Variants in IL1RAPL2 observed in about 807,000 individuals in gnomAD.
IL1RAPL2 encodes X-linked interleukin-1 receptor accessory protein-like 2.
IL1RAPL2 carries 3 observed loss-of-function variants against 44.1 expected under a neutral mutation model. That is an observed-to-expected ratio of 0.07 (90% confidence interval 0.03 to 0.18). The LOEUF (loss-of-function observed/expected upper bound fraction) is 0.18. IL1RAPL2 is among the 10% of genes least tolerant of loss of function. The pLI is 1.00. For synonymous variants in IL1RAPL2, 181 were observed against 178.8 expected (o/e 1.01, Z -0.10); for missense variants, 391 against 496.4 (o/e 0.79, Z 2.02).
chrX:104,791,463 A>T (rs1029955882), intron 2 of IL1RAPL2, among the ~76,000 whole-genome samples: 1 of 111,697 alleles, frequency 9.0e-6, no homozygotes, highest in African/African-American at 3.3e-5. Flanking sequence ...ACCAACAATG[A>T]GAGGGAAAAT....
In IL1RAPL2 at chrX:105,525,946, T is replaced by C. The variant is rs1052682178; in HGVS notation, c.772+41559T>C. Among the ~76,000 whole-genome samples, 3 of 111,856 alleles carry C rather than the reference T, an allele frequency of 2.7e-5. No individual in the cohort carries two copies. In the East Asian group the frequency reaches 8.4e-4, roughly 31 times the overall value. The stretch of plus-strand genomic sequence containing the variant: ...TTCTTTCTCTACTGGCAAAAACTGC[T>C]GACTTTACTCCTCTCACAAAAGGTA... On this transcript the variant is annotated intron_variant, in intron 6 of 10. Transcript: ENST00000372582.
At chrX:105,040,679 A>G (rs1361402641) in intron 2 of IL1RAPL2, among the ~76,000 whole-genome samples, 3 of 110,234 alleles carry the variant, frequency 2.7e-5, no homozygotes, top group African/African-American at 6.8e-5. Flanking sequence ...AGAGGTGTTT[A>G]TAGTATTCTC....
intron 1 of IL1RAPL2, among the ~76,000 whole-genome samples, chrX:104,585,540 C>A (rs1928544586): frequency 1.1e-5 from 1 of 94,605 alleles, no homozygotes; most frequent in Admixed American, 1.3e-4. Context: ...TATTTCATCA[C>A]CCAGGTGTTA....
intron 5 of IL1RAPL2, among the ~76,000 whole-genome samples, chrX:105,356,184 G>GTGTGTGTGTGTGGTTT (rs1556297376): frequency 1.8e-4 from 19 of 108,221 alleles, no homozygotes; most frequent in African/African-American, 6.6e-4. Flanking sequence ...GTGTGTGTGT[G>GTGTGTGTGTGTGGTTT]GTTTGTTTCT....
chrX:104,946,379 CA>C (rs1157603029), intron 2 of IL1RAPL2, among the ~76,000 whole-genome samples: 12 of 9,133 alleles, frequency 1.3e-3, no homozygotes, highest in African/African-American at 3.5e-3. Flanking sequence ...GACTCCGTCT[CA>C]AAAAAAAAAA....
At chrX:105,708,824 G>T (rs6621992) in intron 6 of IL1RAPL2, among the ~76,000 whole-genome samples, 24,750 of 110,745 alleles carry the variant, frequency 0.22, 2,768 homozygotes, top group East Asian at 0.63. Context: ...TGTATAGATT[G>T]GCTACTCTAC....
chrX:105,170,839 T>A (rs898425218), intron 2 of IL1RAPL2, among the ~76,000 whole-genome samples: 12 of 112,234 alleles, frequency 1.1e-4, no homozygotes, highest in African/African-American at 3.9e-4. Context: ...GCCCTGCTTC[T>A]TTCATTTTTA....
chrX:105,314,146 A>T (rs778696732), intron 5 of IL1RAPL2, among the ~76,000 whole-genome samples: 1 of 111,803 alleles, frequency 8.9e-6, no homozygotes, highest in East Asian at 2.8e-4. Flanking sequence ...TCTCAATTAG[A>T]TTATCTTAGA....
At chrX:104,618,716 G>T (rs774850768) in intron 1 of IL1RAPL2, among the ~76,000 whole-genome samples, 20 of 111,300 alleles carry the variant, frequency 1.8e-4, no homozygotes, top group Non-Finnish European at 3.4e-4. Flanking sequence ...CAGGTTCTCT[G>T]CACAGGAAGT....
intron 2 of IL1RAPL2, among the ~76,000 whole-genome samples, chrX:105,158,317 C>A (rs746024571): frequency 4.5e-5 from 5 of 111,103 alleles, no homozygotes; most frequent in Non-Finnish European, 9.5e-5. Context: ...CGAGATCGCG[C>A]CACTGCACGC....
chrX:104,889,945 C>T (rs1204940347), intron 2 of IL1RAPL2, among the ~76,000 whole-genome samples: 4 of 110,625 alleles, frequency 3.6e-5, no homozygotes, highest in Non-Finnish European at 7.6e-5. Context: ...GCTATCCCTC[C>T]CCCCTACCCC....
At chrX:104,904,879 C>G (rs1009827883) in intron 2 of IL1RAPL2, among the ~76,000 whole-genome samples, 8 of 111,053 alleles carry the variant, frequency 7.2e-5, no homozygotes, top group African/African-American at 2.6e-4. Flanking sequence ...AATCGCCACA[C>G]TGACTTCCAC....
chrX:104,919,557 C>T, intron 2 of IL1RAPL2, among the ~76,000 whole-genome samples: 1 of 86,597 alleles, frequency 1.2e-5, no homozygotes, highest in African/African-American at 4.5e-5. Flanking sequence ...GAGACAGAGT[C>T]TCTTACTCTG....
intron 2 of IL1RAPL2, among the ~76,000 whole-genome samples, chrX:104,811,769 A>G (rs1358229242): frequency 1.8e-5 from 2 of 111,169 alleles, no homozygotes; most frequent in African/African-American, 6.5e-5. Flanking sequence ...GGTATTGGGT[A>G]AGGGAAGAAT....
At chrX:104,757,064 A>C (rs774665100) in intron 2 of IL1RAPL2, among the ~76,000 whole-genome samples, 1 of 111,502 alleles carries the variant, frequency 9.0e-6, no homozygotes, top group Non-Finnish European at 1.9e-5. Flanking sequence ...GCTCTGACTT[A>C]TGTTTTAACA....
chrX:105,057,806 G>A (rs953862413), intron 2 of IL1RAPL2, among the ~76,000 whole-genome samples: 1 of 109,821 alleles, frequency 9.1e-6, no homozygotes, highest in Non-Finnish European at 1.9e-5. Context: ...TTTTGAGATG[G>A]AGTCTCACTC....
intron 1 of IL1RAPL2, among the ~76,000 whole-genome samples, chrX:104,582,957 C>T (rs988671485): frequency 1.3e-4 from 14 of 105,141 alleles, no homozygotes; most frequent in Admixed American, 5.4e-4. Flanking sequence ...GGTGTGATAT[C>T]GGCTCACTGC....
At chrX:105,715,455 G>A (rs2038249071) in intron 6 of IL1RAPL2, among the ~76,000 whole-genome samples, 2 of 111,670 alleles carry the variant, frequency 1.8e-5, no homozygotes, top group African/African-American at 6.5e-5. Flanking sequence ...AATTGAAATG[G>A]TAAAGATCAC....
At chrX:104,846,441 G>C (rs1365750074) in intron 2 of IL1RAPL2, among the ~76,000 whole-genome samples, 1 of 110,503 alleles carries the variant, frequency 9.0e-6, no homozygotes, top group Non-Finnish European at 1.9e-5. Context: ...GTGAGAACAT[G>C]GGGTGTTTGG....
Sources: allele counts gnomAD v4.1 joint callset (sites outside exome capture counted in the v4.1 genomes callset), GRCh38; gene constraint gnomAD v4.1.1; transcripts MANE v1.5; gene names NCBI Gene and HGNC (gene_info 2026-07-23, HGNC 2026-07-21).